ZNF343: variants seen among roughly 807,000 people sequenced by gnomAD.
ZNF343 encodes the protein zinc finger protein 343.
Under a neutral mutation model 13.8 loss-of-function variants are expected in ZNF343, and 11 were observed. The ratio of observed to expected loss-of-function variants is 0.80; its 90% CI spans 0.50 to 1.32. The LOEUF is 1.32. Ranked by LOEUF, ZNF343 falls within the 40% of genes most tolerant of loss-of-function variation. The pLI, the probability that ZNF343 is intolerant of heterozygous loss-of-function variation, is 0.00. For synonymous variants in ZNF343, 248 were observed against 260.0 expected, an observed-to-expected ratio of 0.95 and a Z score of 0.44; for missense variants, 658 against 714.2, an observed-to-expected ratio of 0.92 and a Z score of 0.90.
At chr20:2,522,596 A>G (rs758422194) in intron 1 of ZNF343, among the ~76,000 whole-genome samples, 1 of 152,238 alleles carries the variant, frequency 6.6e-6, no homozygotes, top group Non-Finnish European at 1.5e-5. Context: ...CAATTTTAAC[A>G]TAAGCTGCTT....
chr20:2,483,889 A>G lies in ZNF343; in HGVS notation c.1072T>C (p.Cys358Arg), dbSNP rs753322826. ...GACTTCTCGCTAAAGCCTCGCCCAC[A>G]CTCGCTGCAAACATAGGGCTTCTCC... ...SEEKPYVCSECGRGFSEKSSF... is the reference protein window; with the variant it reads ...SEEKPYVCSERGRGFSEKSSF... The change falls in exon 6 of 6, where the codon TGT becomes CGT. Residue 358 changes from cysteine (C) to arginine (R), a missense_variant. Cys to Arg is a radical substitution (Grantham distance 180). Transcript: ENST00000278772. 2 of 1,613,970 alleles carry G rather than the reference A, an allele frequency of 1.2e-6. No homozygotes were observed. The highest frequency in any genetic ancestry group is 1.3e-5 in the African/African-American group (1 of 74,884).
intron 5 of ZNF343, among the ~76,000 whole-genome samples, chr20:2,490,980 A>G (rs1004284577): frequency 6.6e-6 from 1 of 152,242 alleles, no homozygotes; most frequent in African/African-American, 2.4e-5. Context: ...ATCAGATCAA[A>G]ACACATCAAA....
At chr20:2,523,463 T>C (rs939095530) in intron 1 of ZNF343, among the ~76,000 whole-genome samples, 1 of 151,518 alleles carries the variant, frequency 6.6e-6, no homozygotes, top group Admixed American at 6.6e-5. Context: ...TTTTTTTTTC[T>C]TTTTTTTACA....
chr20:2,498,543 C>A (rs1430722766), intron 2 of ZNF343, among the ~76,000 whole-genome samples: 1 of 152,140 alleles, frequency 6.6e-6, no homozygotes, highest in Non-Finnish European at 1.5e-5. Context: ...GCTACAAGGG[C>A]ACTACAACAA....
At chr20:2,486,100 C>T (rs1225358646) in intron 5 of ZNF343, among the ~76,000 whole-genome samples, 1 of 152,134 alleles carries the variant, frequency 6.6e-6, no homozygotes, top group Admixed American at 6.5e-5. Context: ...TAGAAGCATA[C>T]CAAGTCATTC....
chr20:2,505,870 A>T (rs2122715884), intron 1 of ZNF343, among the ~76,000 whole-genome samples: 1 of 152,376 alleles, frequency 6.6e-6, no homozygotes, highest in Middle Eastern at 3.4e-3. Context: ...ACCATTCAGG[A>T]CATAGGCATG....
chr20:2,509,204 C>T (rs1278256046), upstream of ZNF343: 1 of 152,232 alleles, frequency 6.6e-6, no homozygotes, highest in Non-Finnish European at 1.5e-5. Flanking sequence ...GAAGTCATTT[C>T]CGATTGGCGA....
chr20:2,489,035 G>A (rs2085325324), intron 5 of ZNF343, among the ~76,000 whole-genome samples: 1 of 152,162 alleles, frequency 6.6e-6, no homozygotes, highest in South Asian at 2.1e-4. Context: ...ACAGACGTGA[G>A]ACCCTGTCTC....
rs1161698085 is a variant in ZNF343, at chr20:2,487,143, T to C, written c.305-2487A>G. Among the ~76,000 whole-genome samples, 14 of 152,366 alleles carry C rather than the reference T, an allele frequency of 9.2e-5. No individual in the cohort carries two copies. In the East Asian group the frequency reaches 2.7e-3, roughly 29 times the overall value. On this transcript the variant is annotated intron_variant, in intron 5 of 5. Transcript: ENST00000278772. ...AACGGGGTTGTTTTCCCCTGTTACC[T>C]GTGGTCGTGTTATTATTTTGGAACA...
chr20:2,517,572 G>T (rs1415350566), intron 1 of ZNF343, among the ~76,000 whole-genome samples: 1 of 151,560 alleles, frequency 6.6e-6, no homozygotes, highest in Non-Finnish European at 1.5e-5. Flanking sequence ...CATCATCATG[G>T]CTCACTGCAG....
upstream of ZNF343, among the ~76,000 whole-genome samples, chr20:2,512,062 C>A (rs148321006): frequency 1.1e-4 from 17 of 152,238 alleles, no homozygotes; most frequent in African/African-American, 4.1e-4. Flanking sequence ...AAAATAGTTC[C>A]ATTTGCAATA....
Position 2,482,854 on chromosome 20 carries a change from G to T in ZNF343, c.*307C>A. On this transcript the variant is annotated 3_prime_UTR_variant, in exon 6 of 6. Coordinates refer to ENST00000278772, the MANE Select transcript of ZNF343 (RefSeq NM_024325.6). ...CTTTCCCCTGAGGCTGTCATTGGATGTCTGGTAAATGTTGATTATTGCTAA... is the reference window on the plus strand; with the variant it reads ...CTTTCCCCTGAGGCTGTCATTGGATTTCTGGTAAATGTTGATTATTGCTAA... 3.0e-6 allele frequency: 1 copy of T among 334,740 alleles called. No individual in the cohort carries two copies. Among genetic ancestry groups the T allele is most frequent in the African/African-American group, 2.1e-5 (1 of 48,350 alleles). 20.7% of individuals were successfully genotyped at this position (334,740 alleles called of 1,614,324 possible).
rs1256249572 is a variant in ZNF343 at position 2,508,427 on chromosome 20, C to G, written c.-237+454G>C. On this transcript the variant is annotated intron_variant, in intron 1 of 5. Coordinates refer to ENST00000278772, the MANE Select transcript of ZNF343 (RefSeq NM_024325.6). The surrounding 1 kb of genome is among the most constrained non-coding windows in gnomAD (Gnocchi z 4.5). ...GGTGATGCAGGACTCAAGACGCTCC[C>G]CAGCCAAAAACCACCCAGGGATGTG... Among the ~76,000 whole-genome samples the G allele has an allele frequency of 6.6e-6, 1 of 152,108 alleles. No individual in the cohort carries two copies. The highest frequency in any genetic ancestry group is 1.5e-5 in the Non-Finnish European group (1 of 68,016).
intron 1 of ZNF343, among the ~76,000 whole-genome samples, chr20:2,501,710 G>A (rs1006772126): frequency 1.3e-5 from 2 of 152,226 alleles, no homozygotes; most frequent in African/African-American, 4.8e-5. Context: ...AGGGTTTGGA[G>A]TGGACCTCCA....
chr20:2,499,199 C>T (rs1340610649), intron 2 of ZNF343, among the ~76,000 whole-genome samples: 1 of 146,626 alleles, frequency 6.8e-6, no homozygotes, highest in East Asian at 2.0e-4. Flanking sequence ...GGCGCGGTGG[C>T]TCACGCCTGT....
chr20:2,521,589 C>A (rs574535033), intron 1 of ZNF343, among the ~76,000 whole-genome samples: 2 of 152,272 alleles, frequency 1.3e-5, no homozygotes, highest in East Asian at 3.9e-4. Flanking sequence ...GGGATGTAGT[C>A]TCTGAGGCAA....
chr20:2,484,379 G>A lies in ZNF343; in HGVS notation c.582C>T (p.Pro194=), dbSNP rs756434874. 1 of 1,614,198 alleles carries A rather than the reference G, an allele frequency of 6.2e-7. No individual in the cohort carries two copies. Among genetic ancestry groups the A allele is most frequent in the South Asian group, 1.1e-5 (1 of 91,080 alleles). The change falls in exon 6 of 6, where the codon CCC becomes CCT. Residue 194 remains proline (P), a synonymous_variant. Coordinates refer to ENST00000278772, the MANE Select transcript of ZNF343 (RefSeq NM_024325.6). ...TEERETSRAF[P]SPLQRQSASP... is the part of the protein sequence containing the mutation. ...TTGCTGACTGTCTTTGGAGTGGGCT[G>A]GGGAATGCCCTTGAGGTTTCTCTCT...
At chr20:2,516,285 A>G (rs542960689) in intron 1 of ZNF343, among the ~76,000 whole-genome samples, 1 of 152,176 alleles carries the variant, frequency 6.6e-6, no homozygotes, top group African/African-American at 2.4e-5. Context: ...GAGTCCAACA[A>G]TTAGAGGCCA....
chr20:2,511,069 C>T (rs1285146757), upstream of ZNF343, among the ~76,000 whole-genome samples: 5 of 151,658 alleles, frequency 3.3e-5, no homozygotes, highest in Non-Finnish European at 7.4e-5. Context: ...GTGACCTTCT[C>T]AAGTTTTAAG....
Sources: allele counts gnomAD v4.1 joint callset (sites outside exome capture counted in the v4.1 genomes callset), GRCh38; gene constraint gnomAD v4.1.1; non-coding constraint Gnocchi (gnomAD v3.1); transcripts MANE v1.5; gene names NCBI Gene and HGNC (gene_info 2026-07-23, HGNC 2026-07-21).